Variants in ANKFN1 observed in about 807,000 individuals in gnomAD.
ANKFN1 encodes ankyrin repeat and fibronectin type-III domain-containing protein 1.
In ANKFN1, 74 loss-of-function variants were observed where a neutral mutation model predicts 108.7. That is an observed-to-expected ratio of 0.68 (90% CI 0.56 to 0.83). ANKFN1 has a LOEUF of 0.83. Ranked by LOEUF, ANKFN1 falls within the 40% of genes least tolerant of loss-of-function variation. ANKFN1 has a pLI of 0.00. For missense variants in ANKFN1, 1,505 were observed against 1,382.3 expected (o/e 1.09, Z -1.41); for synonymous variants, 547 against 516.2 (o/e 1.06, Z -0.81).
At chr17:56,244,451 T>C (rs1185994366) in intron 3 of ANKFN1, among the ~76,000 whole-genome samples, 1 of 152,154 alleles carries the variant, frequency 6.6e-6, no homozygotes, top group African/African-American at 2.4e-5. Flanking sequence ...CATCATGAAC[T>C]TCTCAATCTT....
At chr17:56,317,538 A>G (rs1203001743) in intron 3 of ANKFN1, among the ~76,000 whole-genome samples, 1 of 152,210 alleles carries the variant, frequency 6.6e-6, no homozygotes, top group East Asian at 1.9e-4. Flanking sequence ...AAGATGACAG[A>G]TTAGAGTAAC....
intron 15 of ANKFN1, among the ~76,000 whole-genome samples, chr17:56,474,384 G>A (rs1373308532): frequency 6.6e-6 from 1 of 152,178 alleles, no homozygotes; most frequent in Non-Finnish European, 1.5e-5. Context: ...ATAAATTAAG[G>A]TAATCTGTAT....
intron 3 of ANKFN1, among the ~76,000 whole-genome samples, chr17:56,269,283 A>G (rs1201674783): frequency 6.6e-6 from 1 of 152,224 alleles, no homozygotes; most frequent in Non-Finnish European, 1.5e-5. Flanking sequence ...TCTCTTCCAG[A>G]TAAGGTGATT....
intron 8 of ANKFN1, among the ~76,000 whole-genome samples, chr17:56,413,766 C>T (rs922172232): frequency 1.7e-4 from 26 of 152,044 alleles, no homozygotes; most frequent in Admixed American, 5.9e-4. Context: ...GTCACCCAGG[C>T]TGGAGTGCAG....
In ANKFN1 at chr17:56,492,303, G is replaced by A. The variant is rs948115229; in HGVS notation, c.2377G>A (p.Glu793Lys). ...CCTCAGGGAAGCAATCTCAGACAGC[G>A]AGGTTGCAGCTGCCAAACAAAGACA... ...QSLREAISDSEVAAAKQRHQQ... is the reference protein window; with the variant it reads ...QSLREAISDSKVAAAKQRHQQ... Residue 793 changes from glutamate to lysine, a missense_variant, in exon 19 of 21, where the codon GAG becomes AAG. Coordinates refer to ENST00000682825, the MANE Select transcript of ANKFN1 (RefSeq NM_001370326.1). 5 of 702,562 alleles carry A rather than the reference G, an allele frequency of 7.1e-6. No homozygotes were observed. Among genetic ancestry groups the A allele is most frequent in the South Asian group, 1.5e-5 (1 of 67,566 alleles). 43.5% of individuals were successfully genotyped at this position (702,562 alleles called of 1,614,324 possible). A position where few individuals can be genotyped will look rare whatever the true frequency, so the allele number is the denominator to read the frequency against.
chr17:56,188,490 A>T (rs1478530416), intron 1 of ANKFN1, among the ~76,000 whole-genome samples: 1 of 148,558 alleles, frequency 6.7e-6, no homozygotes, highest in Non-Finnish European at 1.5e-5. Flanking sequence ...TGTTTCTTAA[A>T]TATGTGTATG....
intron 3 of ANKFN1, among the ~76,000 whole-genome samples, chr17:56,249,322 T>C (rs562210613): frequency 1.3e-5 from 2 of 151,886 alleles, no homozygotes; most frequent in East Asian, 1.9e-4. Context: ...TAATCCCAGA[T>C]ACTTGGGAGG....
intron 14 of ANKFN1, among the ~76,000 whole-genome samples, chr17:56,460,372 A>G (rs112572283): frequency 2.6e-3 from 403 of 152,092 alleles, no homozygotes; most frequent in Middle Eastern, 0.01. Flanking sequence ...AGGATCACTT[A>G]AGCCTGGGAG....
At chr17:56,064,813 CTG>C (rs899179503) in intron 4 of ANKFN1, among the ~76,000 whole-genome samples, 2 of 152,206 alleles carry the variant, frequency 1.3e-5, no homozygotes, top group African/African-American at 4.8e-5. Flanking sequence ...TGTTGAGACT[CTG>C]TGCGGCTCCA....
In ANKFN1 at chr17:56,212,622, G is replaced by C. The variant is rs1399409805; in HGVS notation, c.-46G>C. Reference sequence around the variant, plus strand: ...GTGCCAATAGGATAAGAAATAAGCTGTATGAAGAAATCCAGTTTGAGACCA... The same window carrying C: ...GTGCCAATAGGATAAGAAATAAGCTCTATGAAGAAATCCAGTTTGAGACCA... On this transcript the variant is annotated 5_prime_UTR_variant, in exon 2 of 21. Transcript: ENST00000682825. 1.3e-5 allele frequency among the ~76,000 whole-genome samples: 2 copies of C among 152,152 alleles called. No homozygotes were observed. The highest frequency in any genetic ancestry group is 6.6e-5 in the Admixed American group (1 of 15,264).
intron 4 of ANKFN1, among the ~76,000 whole-genome samples, chr17:56,050,355 T>C (rs55786098): frequency 0.19 from 27,614 of 145,460 alleles, 3,455 homozygotes; most frequent in African/African-American, 0.38. Flanking sequence ...CTGTTCACTC[T>C]GATGGTAGTT....
intron 1 of ANKFN1, among the ~76,000 whole-genome samples, chr17:56,167,945 G>T (rs1910312256): frequency 6.6e-6 from 1 of 152,112 alleles, no homozygotes; most frequent in Non-Finnish European, 1.5e-5. Context: ...GAAAGAGAGG[G>T]GAACCAGATG....
chr17:56,050,213 TC>T (rs1904751130), intron 4 of ANKFN1, among the ~76,000 whole-genome samples: 1 of 150,520 alleles, frequency 6.6e-6, no homozygotes, highest in East Asian at 2.0e-4. Context: ...TCTGTTCATG[TC>T]CTTCGCCCAC....
At chr17:56,439,198 G>A (rs1490096484) in intron 8 of ANKFN1, among the ~76,000 whole-genome samples, 1 of 152,184 alleles carries the variant, frequency 6.6e-6, no homozygotes, top group South Asian at 2.1e-4. Context: ...TGTGTGACTC[G>A]AGGGGCGCAG....
chr17:56,374,489 A>G, intron 7 of ANKFN1, 112 bp from the exon 8 acceptor site: 1 of 804,632 alleles, frequency 1.2e-6, no homozygotes, highest in Non-Finnish European at 2.0e-6. Flanking sequence ...ATTAGGCTCC[A>G]CAAACAAATG....
chr17:56,216,778 A>T (rs1404123574), intron 2 of ANKFN1, among the ~76,000 whole-genome samples: 2 of 152,190 alleles, frequency 1.3e-5, no homozygotes, highest in Admixed American at 6.5e-5. Context: ...ATTGTTAATG[A>T]TGCCGCTCTT....
chr17:56,332,847 A>G (rs2045701477), intron 4 of ANKFN1, among the ~76,000 whole-genome samples: 2 of 152,022 alleles, frequency 1.3e-5, no homozygotes, highest in Non-Finnish European at 2.9e-5. Context: ...CTGCTTGTCA[A>G]TTTCTACTGA....
At chr17:56,137,410 G>A (rs1458256194) in intron 4 of ANKFN1, among the ~76,000 whole-genome samples, 2 of 152,192 alleles carry the variant, frequency 1.3e-5, no homozygotes, top group Non-Finnish European at 2.9e-5. Context: ...CCTTGCCCAA[G>A]TTTCCCTTAT....
chr17:56,197,438 A>C (rs1279135643), intron 1 of ANKFN1, among the ~76,000 whole-genome samples: 1 of 152,200 alleles, frequency 6.6e-6, no homozygotes, highest in African/African-American at 2.4e-5. Flanking sequence ...TTTACTAAAA[A>C]CTACCCTTTT....
Sources: gnomAD v4.1 joint callset for allele counts (sites outside exome capture counted in the v4.1 genomes callset) on GRCh38, gnomAD v4.1.1 for gene constraint, MANE v1.5 for transcripts, NCBI Gene and HGNC (gene_info 2026-07-23, HGNC 2026-07-21) for gene names.